Variants in SEMA4D observed in about 807,000 individuals in gnomAD.
SEMA4D encodes the protein semaphorin-4D.
In SEMA4D, 22 loss-of-function variants were observed where a neutral mutation model predicts 74.8. The ratio of observed to expected loss-of-function variants is 0.29; its 90% CI spans 0.21 to 0.42. The LOEUF (loss-of-function observed/expected upper bound fraction) is 0.42, where lower values mean the gene tolerates loss of function less well. Among genes scored for constraint, SEMA4D ranks in the 10% least tolerant of loss-of-function variants. The probability of loss-of-function intolerance (pLI) is 1.00; values close to 1 mark genes in which losing one functional copy is unlikely to be tolerated. For missense variants in SEMA4D, 937 were observed against 1,118.4 expected (o/e 0.84, Z 2.31); for synonymous variants, 445 against 463.7 (o/e 0.96, Z 0.52).
intron 2 of SEMA4D, among the ~76,000 whole-genome samples, chr9:89,406,252 C>T (rs768577544): frequency 5.3e-5 from 8 of 152,162 alleles, no homozygotes; most frequent in Admixed American, 2.6e-4. Flanking sequence ...TAGAAACACA[C>T]GCACGTGAGG....
At chr9:89,469,523 A>G (rs1588116128) in intron 1 of SEMA4D, among the ~76,000 whole-genome samples, 1 of 152,224 alleles carries the variant, frequency 6.6e-6, no homozygotes, top group South Asian at 2.1e-4. Flanking sequence ...AAAATCCTCA[A>G]CCAAATATTA....
intron 1 of SEMA4D, among the ~76,000 whole-genome samples, chr9:89,481,632 C>T (rs1000613524): frequency 5.3e-5 from 8 of 152,228 alleles, no homozygotes; most frequent in African/African-American, 9.6e-5. Flanking sequence ...CACCGGAATA[C>T]GTGGTGGCAA....
intron 2 of SEMA4D, among the ~76,000 whole-genome samples, chr9:89,420,244 G>GC (rs1846617640): frequency 6.6e-6 from 1 of 152,058 alleles, no homozygotes; most frequent in African/African-American, 2.4e-5. Context: ...CCCCAACCCC[G>GC]CGTTGCCTTC....
intron 16 of SEMA4D, among the ~76,000 whole-genome samples, chr9:89,371,546 T>G (rs1487145738): frequency 1.4e-3 from 5 of 3,488 alleles, no homozygotes; most frequent in Non-Finnish European, 1.9e-3. Flanking sequence ...GGGGGTGTGT[T>G]TGGGGTGTGG....
At chr9:89,400,012 A>T (rs1227447420) in intron 4 of SEMA4D, among the ~76,000 whole-genome samples, 1 of 87,840 alleles carries the variant, frequency 1.1e-5, no homozygotes, top group Admixed American at 1.3e-4. Flanking sequence ...GTCTCAAAAA[A>T]AAAAAAAAAA....
chr9:89,485,414 T>C (rs987867035), intron 1 of SEMA4D, among the ~76,000 whole-genome samples: 9 of 152,212 alleles, frequency 5.9e-5, no homozygotes, highest in Non-Finnish European at 1.2e-4. Context: ...AAATGCTTCT[T>C]AACATTCATG....
At chr9:89,462,975 G>GGAGCGAGCGAGGGGAGGT (rs761199334) in intron 1 of SEMA4D, among the ~76,000 whole-genome samples, 2 of 116,638 alleles carry the variant, frequency 1.7e-5, no homozygotes, top group Admixed American at 8.6e-5. Context: ...CGAGGGGAGG[G>GGAGCGAGCGAGGGGAGGT]GAGCGAGGGA....
chr9:89,444,683 A>G (rs886159618), intron 2 of SEMA4D, among the ~76,000 whole-genome samples: 1 of 152,110 alleles, frequency 6.6e-6, no homozygotes, highest in Non-Finnish European at 1.5e-5. Flanking sequence ...TTTAATTCAA[A>G]CACACAAAAC....
chr9:89,469,991 T>G (rs1218330910), intron 1 of SEMA4D, among the ~76,000 whole-genome samples: 1 of 152,232 alleles, frequency 6.6e-6, no homozygotes, highest in Non-Finnish European at 1.5e-5. Context: ...TGACTGCCTA[T>G]GTAGAAAATT....
chr9:89,403,603 G>A (rs1468749442), intron 3 of SEMA4D, among the ~76,000 whole-genome samples: 2 of 152,220 alleles, frequency 1.3e-5, no homozygotes, highest in East Asian at 3.8e-4. Context: ...TTAGGTTACT[G>A]TATCAATAGC....
intron 1 of SEMA4D, among the ~76,000 whole-genome samples, chr9:89,456,443 C>A (rs1052926188): frequency 6.6e-6 from 1 of 152,228 alleles, no homozygotes; most frequent in Admixed American, 6.5e-5. Context: ...AAGACAATGT[C>A]AGTGCTAGCA....
intron 2 of SEMA4D, among the ~76,000 whole-genome samples, chr9:89,440,517 C>T (rs1432060299): frequency 6.7e-6 from 1 of 148,982 alleles, no homozygotes; most frequent in Non-Finnish European, 1.5e-5. Context: ...CGCTTGCCCT[C>T]CACACTCAGC....
chr9:89,449,633 T>A (rs4075521), intron 2 of SEMA4D: 2 of 1,294,860 alleles, frequency 1.5e-6, no homozygotes, highest in Non-Finnish European at 2.2e-6. Context: ...GATGGGGGGG[T>A]GACATTGCCA....
intron 16 of SEMA4D, chr9:89,367,072 A>C (rs1051666439): frequency 6.6e-6 from 1 of 152,598 alleles, no homozygotes; most frequent in African/African-American, 2.4e-5. Flanking sequence ...ATACTATTTA[A>C]ATACATGCTT....
intron 2 of SEMA4D, among the ~76,000 whole-genome samples, chr9:89,427,269 G>A (rs931799562): frequency 1.3e-5 from 2 of 152,170 alleles, no homozygotes; most frequent in Non-Finnish European, 1.5e-5. Context: ...GTCAGAAGAG[G>A]GGGGCAGCCT....
In SEMA4D at chr9:89,381,542, C is replaced by G; in HGVS notation, c.1447-196G>C. Reference sequence around the variant, plus strand: ...TTCCTGCAGAATCCACGTGCTATGTCAGGGCTCACTGGGCCTTAGGTCCAA... The same window carrying G: ...TTCCTGCAGAATCCACGTGCTATGTGAGGGCTCACTGGGCCTTAGGTCCAA... On this transcript the variant is annotated intron_variant, in intron 13 of 15. Coordinates refer to ENST00000422704, the MANE Select transcript of SEMA4D (RefSeq NM_001371194.2). This position sits in a 1 kb window ranked among gnomAD's most constrained non-coding sequence, Gnocchi z 4.6. The G allele has an allele frequency of 2.0e-6, 1 of 491,736 alleles. No homozygotes were observed. 30.5% of individuals were successfully genotyped at this position (491,736 alleles called of 1,614,324 possible).
chr9:89,396,976 C>G (rs1342459580), intron 5 of SEMA4D, 141 bp from the exon 6 acceptor site: 1 of 698,754 alleles, frequency 1.4e-6, no homozygotes, highest in African/African-American at 1.8e-5. Context: ...GCCAACGAGG[C>G]ATGTGTGCAT....
intron 4 of SEMA4D, among the ~76,000 whole-genome samples, chr9:89,400,094 A>G (rs1204122762): frequency 6.7e-6 from 1 of 149,664 alleles, no homozygotes; most frequent in Non-Finnish European, 1.5e-5. Flanking sequence ...GTAGAAAGGG[A>G]GATTTACGAT....
chr9:89,390,481 T>A (rs958651357), intron 9 of SEMA4D, among the ~76,000 whole-genome samples: 2 of 152,162 alleles, frequency 1.3e-5, no homozygotes, highest in Admixed American at 1.3e-4. Flanking sequence ...CCTTCTTCCT[T>A]ATGCAAGGGG....
Sources: gnomAD v4.1 joint callset for allele counts (sites outside exome capture counted in the v4.1 genomes callset) on GRCh38, gnomAD v4.1.1 for gene constraint, Gnocchi (gnomAD v3.1) non-coding constraint, MANE v1.5 for transcripts, NCBI Gene and HGNC (gene_info 2026-07-23, HGNC 2026-07-21) for gene names.